ARVCF: variants seen among roughly 807,000 people sequenced by gnomAD.
ARVCF encodes the protein splicing regulator ARVCF.
Under a neutral mutation model 90.9 loss-of-function variants are expected in ARVCF, and 66 were observed. That is an observed-to-expected ratio of 0.73 (90% CI 0.60 to 0.89). The LOEUF (loss-of-function observed/expected upper bound fraction) is 0.89. Ranked by LOEUF, ARVCF falls within the 40% of genes least tolerant of loss-of-function variation. The pLI is 0.00. For synonymous variants in ARVCF, 653 were observed against 603.4 expected (o/e 1.08, Z -1.21); for missense variants, 1,469 against 1,382.3 (o/e 1.06, Z -1.00).
At chr22:19,971,144 G>A in intron 19 of ARVCF, 72 bp downstream of exon 19, 1 of 1,548,218 alleles carries the variant, frequency 6.5e-7, no homozygotes, top group Non-Finnish European at 8.7e-7. Flanking sequence ...CGTGCAGGCA[G>A]CGGAGACTAA....
chr22:20,009,866 C>T (rs1452639173), intron 2 of ARVCF, among the ~76,000 whole-genome samples: 2 of 152,262 alleles, frequency 1.3e-5, no homozygotes, highest in African/African-American at 2.4e-5. Flanking sequence ...GATCAGAGTA[C>T]ATTCAGACTA....
chr22:19,989,946 G>A (rs1439031761), intron 3 of ARVCF, among the ~76,000 whole-genome samples: 1 of 152,234 alleles, frequency 6.6e-6, no homozygotes, highest in East Asian at 1.9e-4. Flanking sequence ...TACTTGTTCC[G>A]GCCTCCTAAC....
chr22:19,973,798 G>A lies in ARVCF; in HGVS notation c.2089-5C>T, dbSNP rs1288131323. On this transcript the variant is annotated splice_region_variant and splice_polypyrimidine_tract_variant and intron_variant, in intron 12 of 19. Transcript: ENST00000263207. ...GGCGCGGATGTACGTGGCCCACTGC[G>A]GAGGCGGGGAGAGGGTTGCTCAGAC... 7 of 1,600,860 alleles carry A rather than the reference G, an allele frequency of 4.4e-6. No homozygotes were observed. Among genetic ancestry groups the A allele is most frequent in the Middle Eastern group, 3.3e-4 (2 of 6,068 alleles).
chr22:19,972,600 G>T, intron 16 of ARVCF, 137 bp downstream of exon 16: 1 of 1,156,190 alleles, frequency 8.6e-7, no homozygotes. Context: ...GTAGCCAAGA[G>T]GCAGAGGGCA....
Position 20,004,088 on chromosome 22 carries a change from T to C in ARVCF, c.-19+6367A>G, listed in dbSNP as rs75665527. On this transcript the variant is annotated intron_variant, in intron 2 of 19. Coordinates refer to ENST00000263207, the MANE Select transcript of ARVCF (RefSeq NM_001670.3). ...TTCTATATATGAACAATGAACAACC[T>C]GAAAGGGAAATTTAAAAAAACTATT... is the stretch of plus-strand genomic sequence containing the variant. 1.5e-3 allele frequency among the ~76,000 whole-genome samples: 224 copies of C among 152,120 alleles called. 3 individuals carry two copies. The East Asian group carries it at 0.037, about 25-fold the overall frequency.
chr22:19,987,656 G>C (rs994585327), intron 3 of ARVCF, among the ~76,000 whole-genome samples: 1 of 152,048 alleles, frequency 6.6e-6, no homozygotes, highest in Non-Finnish European at 1.5e-5. Flanking sequence ...AATGGGGGCC[G>C]ATGAGACAGT....
downstream of ARVCF, chr22:19,967,576 C>T (rs1942487110): frequency 2.7e-6 from 1 of 367,084 alleles, no homozygotes. Flanking sequence ...CACCCACCAC[C>T]AGGACAGCTG....
rs771301838 is a variant in ARVCF at position 19,973,715 on chromosome 22, C to T, written c.2167G>A (p.Asp723Asn). ...VLVELLQSET[D>N]KVVRAVAIAL... ...ATGGCGACGGCGCGCACCACCTTGTCGGTCTCAGACTGCAGCAGTTCCACA... is the reference window on the plus strand; with the variant it reads ...ATGGCGACGGCGCGCACCACCTTGTTGGTCTCAGACTGCAGCAGTTCCACA... Residue 723 changes from aspartate (D) to asparagine (N), a missense_variant, in exon 13 of 20, where the codon GAC (aspartate) becomes AAC (asparagine). Transcript: ENST00000263207. 2 of 1,609,930 alleles carry T rather than the reference C, an allele frequency of 1.2e-6. No homozygotes were observed. The highest frequency in any genetic ancestry group is 1.1e-5 in the South Asian group (1 of 91,082).
At chr22:19,970,940 G>A (rs930593820) in intron 19 of ARVCF, among the ~76,000 whole-genome samples, 197 bp from the exon 20 acceptor site, 25 of 152,176 alleles carry the variant, frequency 1.6e-4, no homozygotes, top group African/African-American at 4.8e-4. Context: ...CCCGAAGGGC[G>A]TTGGAGGGTA....
chr22:20,003,674 G>A (rs552751477), intron 2 of ARVCF, among the ~76,000 whole-genome samples: 125 of 152,230 alleles, frequency 8.2e-4, no homozygotes, highest in African/African-American at 2.9e-3. Context: ...AAATTCAATA[G>A]TCTGTCATGA....
intron 2 of ARVCF, among the ~76,000 whole-genome samples, chr22:20,003,403 C>A (rs1268514512): frequency 6.6e-6 from 1 of 152,080 alleles, no homozygotes; most frequent in African/African-American, 2.4e-5. Context: ...AAAGACACTA[C>A]AAGAAAAGAA....
rs1320881574 is a variant in ARVCF at position 19,970,013 on chromosome 22, C to T, written c.*743G>A. 1.2e-5 allele frequency: 12 copies of T among 985,510 alleles called. No individual in the cohort carries two copies. The highest frequency in any genetic ancestry group is 1.4e-5 in the Non-Finnish European group (12 of 829,944). 61.0% of individuals were successfully genotyped at this position (985,510 alleles called of 1,614,324 possible). On this transcript the variant is annotated 3_prime_UTR_variant, in exon 20 of 20. Transcript: ENST00000263207. ...GTGTTTTTCTTCTGTTTCTGAGTCA[C>T]GAACAGCAGGCACTGAAAGCAGTCC...
chr22:20,008,972 G>C (rs1183311893), intron 2 of ARVCF, among the ~76,000 whole-genome samples: 1 of 152,166 alleles, frequency 6.6e-6, no homozygotes, highest in African/African-American at 2.4e-5. Flanking sequence ...CAACAGGAGG[G>C]AGAGTGAGCA....
At chr22:20,003,637 C>G (rs899506343) in intron 2 of ARVCF, among the ~76,000 whole-genome samples, 2 of 152,172 alleles carry the variant, frequency 1.3e-5, no homozygotes, top group Non-Finnish European at 2.9e-5. Context: ...ACAATCATGT[C>G]AAATGATGCA....
At chr22:19,974,633 G>A (rs1278085245) in intron 11 of ARVCF, among the ~76,000 whole-genome samples, 5 of 151,946 alleles carry the variant, frequency 3.3e-5, no homozygotes, top group Non-Finnish European at 7.4e-5. Context: ...GCATTGGCCA[G>A]TAACTGAGAG....
intron 2 of ARVCF, among the ~76,000 whole-genome samples, chr22:20,002,299 G>A (rs1601666295): frequency 6.6e-6 from 1 of 152,136 alleles, no homozygotes. Context: ...TGACCTGCGG[G>A]CTGTGCTGAA....
intron 3 of ARVCF, among the ~76,000 whole-genome samples, chr22:19,982,853 A>G (rs1018176980): frequency 6.6e-6 from 1 of 152,212 alleles, no homozygotes; most frequent in African/African-American, 2.4e-5. Flanking sequence ...CAGACACAGT[A>G]GATTTGAGCC....
chr22:20,016,365 C>T (rs1945155604), intron 1 of ARVCF, among the ~76,000 whole-genome samples: 1 of 152,064 alleles, frequency 6.6e-6, no homozygotes, highest in Admixed American at 6.5e-5. Flanking sequence ...CCCGCCGGCC[C>T]GGGGTCTCGG....
rs1489841517 is a variant in ARVCF, at chr22:19,972,613, GA to G, written c.2641+123del. ...GAGTAGCCAAGAGGCAGAGGGCAGG[GA>G]AAGTGGCCTATGGAAGCCGTCTCAG... On this transcript the variant is annotated intron_variant, in intron 16 of 19. Transcript: ENST00000263207. 3.3e-6 allele frequency: 4 copies of G among 1,204,796 alleles called. No homozygotes were observed. The African/African-American group carries it at 4.6e-5, about 14-fold the overall frequency. 74.6% of individuals were successfully genotyped at this position (1,204,796 alleles called of 1,614,324 possible). A position where few individuals can be genotyped will look rare whatever the true frequency, so the allele number is the denominator to read the frequency against.
Sources: gnomAD v4.1 joint callset for allele counts (sites outside exome capture counted in the v4.1 genomes callset) on GRCh38, gnomAD v4.1.1 for gene constraint, MANE v1.5 for transcripts, NCBI Gene and HGNC (gene_info 2026-07-23, HGNC 2026-07-21) for gene names.